The following EYS variants were observed in gnomAD, a reference collection of about 807,000 sequenced individuals.
EYS encodes protein eyes shut homolog.
Under a neutral mutation model 282.1 loss-of-function variants are expected in EYS, and 250 were observed. The ratio of observed to expected loss-of-function variants is 0.89; its 90% CI spans 0.80 to 0.98. The LOEUF is 0.98. Ranked by LOEUF, EYS falls within the 50% of genes least tolerant of loss-of-function variation. The pLI, the probability that EYS is intolerant of heterozygous loss-of-function variation, is 0.00. For missense variants in EYS, 4,016 were observed against 3,709.0 expected (o/e 1.08, Z -2.15); for synonymous variants, 1,355 against 1,282.9 (o/e 1.06, Z -1.20).
At chr6:65,087,214 A>G (rs1774407842) in intron 12 of EYS, among the ~76,000 whole-genome samples, 1 of 152,076 alleles carries the variant, frequency 6.6e-6, no homozygotes, top group Admixed American at 6.6e-5. Context: ...CTCACACACT[A>G]GATCCCATAT....
intron 14 of EYS, among the ~76,000 whole-genome samples, chr6:64,959,677 A>G (rs1769848370): frequency 6.6e-6 from 1 of 152,110 alleles, no homozygotes; most frequent in South Asian, 2.1e-4. Flanking sequence ...TACTCTTTCA[A>G]TTCTAAAATG....
intron 1 of EYS, among the ~76,000 whole-genome samples, chr6:65,696,387 A>G (rs1441918697): frequency 6.6e-6 from 1 of 152,078 alleles, no homozygotes; most frequent in Non-Finnish European, 1.5e-5. Context: ...TGCTATAAGA[A>G]TATTAGACAA....
chr6:65,425,942 A>G (rs1483366048), intron 5 of EYS, among the ~76,000 whole-genome samples: 3 of 152,116 alleles, frequency 2.0e-5, no homozygotes, highest in Non-Finnish European at 4.4e-5. Flanking sequence ...TGAAGACTAC[A>G]GAACAAAGAC....
chr6:65,314,510 A>G (rs1441542950), intron 11 of EYS, among the ~76,000 whole-genome samples: 2 of 141,570 alleles, frequency 1.4e-5, no homozygotes, highest in African/African-American at 5.3e-5. Context: ...ATCAATCCTT[A>G]AAGGTTCAAA....
chr6:63,923,493 G>A (rs1373518412), intron 35 of EYS, among the ~76,000 whole-genome samples: 1 of 152,088 alleles, frequency 6.6e-6, no homozygotes, highest in South Asian at 2.1e-4. Context: ...AAATAACACT[G>A]CCTACTTAAG....
At chr6:64,938,620 G>A (rs1768988818) in intron 15 of EYS, among the ~76,000 whole-genome samples, 1 of 151,408 alleles carries the variant, frequency 6.6e-6, no homozygotes, top group African/African-American at 2.4e-5. Context: ...TGCTTTCAGT[G>A]GAGTATTCAA....
chr6:64,779,593 T>G (rs187444867), intron 22 of EYS, among the ~76,000 whole-genome samples: 1 of 152,242 alleles, frequency 6.6e-6, no homozygotes, highest in East Asian at 1.9e-4. Context: ...TTATACCTAT[T>G]GAACGTACAA....
chr6:64,394,089 T>C (rs1161083624), intron 28 of EYS, among the ~76,000 whole-genome samples: 1 of 152,112 alleles, frequency 6.6e-6, no homozygotes, highest in African/African-American at 2.4e-5. Context: ...GTGAAGGACC[T>C]CTTCAAGGAG....
intron 37 of EYS, among the ~76,000 whole-genome samples, chr6:63,791,321 T>G (rs563313347): frequency 1.3e-4 from 20 of 152,066 alleles, no homozygotes; most frequent in Non-Finnish European, 2.6e-4. Flanking sequence ...ATCCCAGCAC[T>G]TTGGGAGACC....
Position 64,271,891 on chromosome 6 carries a change from G to A in EYS, c.6191+35079C>T, listed in dbSNP as rs543200917. On this transcript the variant is annotated intron_variant, in intron 30 of 42. Coordinates refer to ENST00000503581, the MANE Select transcript of EYS (RefSeq NM_001142800.2). ...GTCTCACTGCAACTCCCACGCTGGA[G>A]TGCAATGGCGTGATCTCAGCTCACT... Among the ~76,000 whole-genome samples, 20 of 152,114 alleles carry A rather than the reference G, an allele frequency of 1.3e-4. No homozygotes were observed. The East Asian group carries it at 3.9e-3, about 29-fold the overall frequency.
In EYS at chr6:65,320,232, G is replaced by A. The variant is rs539642530; in HGVS notation, c.1766+14748C>T. On this transcript the variant is annotated intron_variant, in intron 11 of 42. Transcript: ENST00000503581. ...AGTCAAGAGGGAGAATTTGGGCTGC[G>A]AGTCAGCCAATGAGAGATTCCAAAA... is the stretch of plus-strand genomic sequence containing the variant. Among the ~76,000 whole-genome samples the A allele has an allele frequency of 9.7e-5, 8 of 82,264 alleles. No homozygotes were observed. In the South Asian group the frequency reaches 1.6e-3, roughly 17 times the overall value. The allele number at this position is 82,264 out of a possible 152,430, so 54.0% of individuals were successfully genotyped here. A position where few individuals can be genotyped will look rare whatever the true frequency, so the allele number is the denominator to read the frequency against.
intron 15 of EYS, among the ~76,000 whole-genome samples, chr6:64,912,980 T>G (rs1768047761): frequency 6.6e-6 from 1 of 152,080 alleles, no homozygotes; most frequent in Admixed American, 6.6e-5. Flanking sequence ...TTAACAAATT[T>G]CTAACATAGT....
In EYS at chr6:65,314,929, AT is replaced by A. The variant is rs201420586; in HGVS notation, c.1767-18811del. On this transcript the variant is annotated intron_variant, in intron 11 of 42. Coordinates refer to ENST00000503581, the MANE Select transcript of EYS (RefSeq NM_001142800.2). ...AAGTAACTTTGACTAATTTGATTAA[AT>A]TGATTGATAAAGTAAATCATATCAC... Among the ~76,000 whole-genome samples, 1,360 of 152,272 alleles carry A rather than the reference AT, an allele frequency of 8.9e-3. 25 individuals carry two copies. The highest frequency in any genetic ancestry group is 0.031 in the African/African-American group (1,267 of 41,536).
intron 2 of EYS, among the ~76,000 whole-genome samples, chr6:65,559,515 C>T (rs1395585949): frequency 1.3e-5 from 2 of 152,070 alleles, no homozygotes; most frequent in Admixed American, 6.6e-5. Context: ...CAAGATTAGG[C>T]TGTAAGGTTT....
At chr6:64,052,217 A>T (rs1000989085) in intron 33 of EYS, among the ~76,000 whole-genome samples, 3 of 152,168 alleles carry the variant, frequency 2.0e-5, no homozygotes, top group African/African-American at 7.2e-5. Context: ...CAAATGTAAT[A>T]AAAAAATCAC....
intron 29 of EYS, among the ~76,000 whole-genome samples, chr6:64,362,387 G>T (rs1181225767): frequency 6.6e-6 from 1 of 151,698 alleles, no homozygotes; most frequent in Non-Finnish European, 1.5e-5. Flanking sequence ...TTACAAAAAA[G>T]AAAGGGTCTA....
rs73451349 is a variant in EYS, at chr6:63,803,508, A to G, written c.7411+2682T>C. On this transcript the variant is annotated intron_variant, in intron 37 of 42. Transcript: ENST00000503581. ...TAACAAAGGCTCCACATCCTAATGC[A>G]GAACAGGCTGTCCATGCTCAGACAA... is the stretch of plus-strand genomic sequence containing the variant. Among the ~76,000 whole-genome samples, 775 of 152,294 alleles carry G rather than the reference A, an allele frequency of 5.1e-3. 6 individuals are homozygous for G. Among genetic ancestry groups the G allele is most frequent in the African/African-American group, 0.018 (728 of 41,556 alleles).
intron 22 of EYS, among the ~76,000 whole-genome samples, chr6:64,718,598 A>C (rs891170220): frequency 6.6e-6 from 1 of 152,104 alleles, no homozygotes; most frequent in Admixed American, 6.6e-5. Flanking sequence ...CACGCTTTTC[A>C]TTGTGTGATT....
intron 22 of EYS, among the ~76,000 whole-genome samples, chr6:64,779,399 T>C (rs1773787239): frequency 6.6e-6 from 1 of 152,036 alleles, no homozygotes; most frequent in Admixed American, 6.6e-5. Context: ...GAAAAGTCTA[T>C]ATACTGTATG....
Sources: gnomAD v4.1 joint callset for allele counts (sites outside exome capture counted in the v4.1 genomes callset) on GRCh38, gnomAD v4.1.1 for gene constraint, MANE v1.5 for transcripts, NCBI Gene and HGNC (gene_info 2026-07-23, HGNC 2026-07-21) for gene names.